KYAT1: variants seen among roughly 807,000 people sequenced by gnomAD.
KYAT1 encodes the protein kynurenine--oxoglutarate transaminase 1.
Under a neutral mutation model 52.4 loss-of-function variants are expected in KYAT1, and 47 were observed. That is an observed-to-expected ratio of 0.90 (90% CI 0.71 to 1.14). KYAT1 has a LOEUF of 1.14. Ranked by LOEUF, KYAT1 falls within the 50% of genes most tolerant of loss-of-function variation. The probability of loss-of-function intolerance (pLI) is 0.00; values close to 1 mark genes in which losing one functional copy is unlikely to be tolerated. For missense variants in KYAT1, 480 were observed against 557.9 expected (o/e 0.86, Z 1.41); for synonymous variants, 212 against 209.6 (o/e 1.01, Z -0.10).
chr9:128,847,306 A>G (rs1588085030), intron 1 of KYAT1: 1 of 622,896 alleles, frequency 1.6e-6, no homozygotes, highest in East Asian at 2.8e-5. Flanking sequence ...AAGCCCACAT[A>G]CAGGCTGCAG....
At chr9:128,865,328 TATATATATATATA>T (rs1564491399) in intron 1 of KYAT1, among the ~76,000 whole-genome samples, 3 of 36,648 alleles carry the variant, frequency 8.2e-5, no homozygotes, top group Non-Finnish European at 1.2e-4. Context: ...TATATATATA[TATATATATATATA>T]TATATATATA....
chr9:128,845,380 C>A lies in KYAT1; in HGVS notation c.26G>T (p.Arg9Met). 6.2e-7 allele frequency: 1 copy of A among 1,613,970 alleles called. No homozygotes were observed. The highest frequency in any genetic ancestry group is 8.5e-7 in the Non-Finnish European group (1 of 1,180,010). ...GGGGTTGTAGTCGATCCCGTCTAGCCTTCGGGCCTGCAGCTGTTTGGCCAT... is the reference window on the plus strand; with the variant it reads ...GGGGTTGTAGTCGATCCCGTCTAGCATTCGGGCCTGCAGCTGTTTGGCCAT... MAKQLQAR[R>M]LDGIDYNPWV... The change falls in exon 2 of 13, where the codon AGG becomes ATG. Residue 9 changes from arginine (R) to methionine (M), a missense_variant. Transcript: ENST00000302586.
At chr9:128,847,383 A>G (rs1444271906) in intron 1 of KYAT1, 1 of 1,296,080 alleles carries the variant, frequency 7.7e-7, no homozygotes, top group Non-Finnish European at 1.1e-6. Flanking sequence ...GCCAGACCCC[A>G]GAAGCCCCAG....
chr9:128,854,514 C>T (rs1487603567), intron 1 of KYAT1, among the ~76,000 whole-genome samples: 2 of 152,176 alleles, frequency 1.3e-5, no homozygotes, highest in African/African-American at 4.8e-5. Context: ...TTGCCATCCA[C>T]CAAAAAAGCG....
At chr9:128,841,626 G>C (rs1474202191) in intron 3 of KYAT1, among the ~76,000 whole-genome samples, 2 of 151,716 alleles carry the variant, frequency 1.3e-5, no homozygotes, top group Non-Finnish European at 2.9e-5. Context: ...AACCTGGGAG[G>C]GGGAGGTTGC....
chr9:128,841,621 G>T (rs1241311656), intron 3 of KYAT1, among the ~76,000 whole-genome samples: 2 of 151,282 alleles, frequency 1.3e-5, no homozygotes, highest in African/African-American at 2.4e-5. Flanking sequence ...TCTTGAACCT[G>T]GGAGGGGGAG....
At chr9:128,849,660 G>T (rs192443052) in intron 1 of KYAT1, among the ~76,000 whole-genome samples, 5 of 149,774 alleles carry the variant, frequency 3.3e-5, no homozygotes, top group Admixed American at 1.3e-4. Flanking sequence ...AGCCAGGCAT[G>T]GTGGTTGGCA....
chr9:128,833,676 C>T (rs1186756401), intron 12 of KYAT1, 33 bp from the exon 13 acceptor site: 2 of 1,613,990 alleles, frequency 1.2e-6, no homozygotes, highest in African/African-American at 1.3e-5. Context: ...TACACTCTCC[C>T]CATGTGCCCA....
intron 1 of KYAT1, among the ~76,000 whole-genome samples, chr9:128,849,821 G>GA (rs1833689402): frequency 7.2e-6 from 1 of 139,210 alleles, no homozygotes; most frequent in South Asian, 2.4e-4. Flanking sequence ...GAAAAGAAAA[G>GA]AAAAGAATGA....
intron 1 of KYAT1, among the ~76,000 whole-genome samples, chr9:128,846,038 C>T (rs948080904): frequency 2.6e-5 from 4 of 152,190 alleles, no homozygotes; most frequent in Non-Finnish European, 4.4e-5. Context: ...GGCACTAATC[C>T]GCTCCTCGGA....
At chr9:128,838,784 G>T (rs1283277418) in intron 3 of KYAT1, among the ~76,000 whole-genome samples, 1 of 152,264 alleles carries the variant, frequency 6.6e-6, no homozygotes, top group East Asian at 1.9e-4. Context: ...CCCAGGGCGG[G>T]GATTTAGCAG....
chr9:128,882,275 G>C (rs2130904236), upstream of KYAT1: 1 of 153,358 alleles, frequency 6.5e-6, no homozygotes. Flanking sequence ...TGGGGAAAGG[G>C]GCGCGAGCTG....
intron 5 of KYAT1, 29 bp from the exon 6 acceptor site, chr9:128,837,842 C>G (rs1357277553): frequency 6.2e-7 from 1 of 1,611,884 alleles, no homozygotes; most frequent in South Asian, 1.1e-5. Flanking sequence ...TGGGGTGGTA[C>G]CACTTAACCA....
chr9:128,879,545 A>G (rs1167462301), intron 1 of KYAT1, among the ~76,000 whole-genome samples: 1 of 152,204 alleles, frequency 6.6e-6, no homozygotes, highest in Admixed American at 6.5e-5. Flanking sequence ...CCGGGAGGAA[A>G]GATTCCTGCT....
chr9:128,859,150 C>G (rs1835097968), intron 1 of KYAT1, among the ~76,000 whole-genome samples: 1 of 151,964 alleles, frequency 6.6e-6, no homozygotes, highest in Non-Finnish European at 1.5e-5. Flanking sequence ...ATCACGAGGT[C>G]AGGAGATCGA....
chr9:128,862,040 G>T lies in KYAT1; in HGVS notation c.-6-16629C>A, dbSNP rs747929165. On this transcript the variant is annotated intron_variant, in intron 1 of 12. Transcript: ENST00000302586. Reference sequence around the variant, plus strand: ...ACCACTGAGTTAAAAACCCACAGTTGCCTGGTAGGTCAATTCTCTCTCTGA... The same window carrying T: ...ACCACTGAGTTAAAAACCCACAGTTTCCTGGTAGGTCAATTCTCTCTCTGA... Among the ~76,000 whole-genome samples, 7 of 152,316 alleles carry T rather than the reference G, an allele frequency of 4.6e-5. No individual in the cohort carries two copies. In the East Asian group the frequency reaches 1.4e-3, roughly 29 times the overall value.
intron 1 of KYAT1, among the ~76,000 whole-genome samples, chr9:128,855,268 G>A (rs573074071): frequency 5.3e-5 from 8 of 152,182 alleles, no homozygotes; most frequent in South Asian, 2.1e-4. Context: ...CCACTAATCC[G>A]GCCTATGATA....
At chr9:128,864,120 T>A (rs370840292) in intron 1 of KYAT1, among the ~76,000 whole-genome samples, 116 of 152,032 alleles carry the variant, frequency 7.6e-4, no homozygotes, top group African/African-American at 2.8e-3. Flanking sequence ...CCCAGCACTT[T>A]GGGAGGCCGA....
chr9:128,874,398 A>C (rs1837664625), intron 1 of KYAT1, among the ~76,000 whole-genome samples: 1 of 141,838 alleles, frequency 7.1e-6, no homozygotes, highest in Admixed American at 6.9e-5. Flanking sequence ...TGCAGCCTCA[A>C]CCTACCGGGC....
Sources: gnomAD v4.1 joint callset for allele counts (sites outside exome capture counted in the v4.1 genomes callset) on GRCh38, gnomAD v4.1.1 for gene constraint, MANE v1.5 for transcripts, NCBI Gene and HGNC (gene_info 2026-07-23, HGNC 2026-07-21) for gene names.